The following ADAM23 variants were observed in gnomAD, a reference collection of about 807,000 sequenced individuals.
ADAM23 encodes the protein disintegrin and metalloproteinase domain-containing protein 23.
ADAM23 carries 33 observed loss-of-function variants against 120.1 expected under a neutral mutation model. That is an observed-to-expected ratio of 0.27 (90% CI 0.21 to 0.37). ADAM23 has a LOEUF of 0.37. Among genes scored for constraint, ADAM23 ranks in the 10% least tolerant of loss-of-function variants. The pLI is 1.00. For synonymous variants in ADAM23, 367 were observed against 375.2 expected (o/e 0.98, Z 0.25); for missense variants, 862 against 1,058.2 (o/e 0.81, Z 2.57).
chr2:206,532,325 C>CTT (rs755429602), intron 4 of ADAM23, among the ~76,000 whole-genome samples: 6 of 142,106 alleles, frequency 4.2e-5, no homozygotes, highest in African/African-American at 7.8e-5. Context: ...CACTTAGTTA[C>CTT]TTTTTTTTTT....
chr2:206,588,551 CAG>C (rs1698368184), intron 20 of ADAM23, among the ~76,000 whole-genome samples: 1 of 152,132 alleles, frequency 6.6e-6, no homozygotes, highest in African/African-American at 2.4e-5. Flanking sequence ...AGGAAAATAC[CAG>C]ACTTATTTTT....
chr2:206,504,144 C>A (rs1696447671), intron 3 of ADAM23, among the ~76,000 whole-genome samples: 1 of 151,906 alleles, frequency 6.6e-6, no homozygotes, highest in Non-Finnish European at 1.5e-5. Context: ...CTTTATATAT[C>A]TTTAATACAA....
intron 3 of ADAM23, among the ~76,000 whole-genome samples, chr2:206,516,034 T>C (rs974112133): frequency 6.6e-6 from 1 of 151,162 alleles, no homozygotes; most frequent in Non-Finnish European, 1.5e-5. Flanking sequence ...CATAAAGGAG[T>C]GGAAAATATA....
chr2:206,469,814 C>T (rs918930092), intron 2 of ADAM23, among the ~76,000 whole-genome samples: 2 of 152,152 alleles, frequency 1.3e-5, no homozygotes, highest in Non-Finnish European at 2.9e-5. Flanking sequence ...GCCCCTGCCT[C>T]GGGGCTTCTA....
At chr2:206,595,335 G>A (rs1292642713) in intron 23 of ADAM23, among the ~76,000 whole-genome samples, 1 of 152,198 alleles carries the variant, frequency 6.6e-6, no homozygotes, top group East Asian at 1.9e-4. Flanking sequence ...TCTCTAGTTT[G>A]CTCATTGTTA....
chr2:206,561,401 T>C (rs953447904), intron 12 of ADAM23, among the ~76,000 whole-genome samples, 189 bp downstream of exon 12: 6 of 152,228 alleles, frequency 3.9e-5, no homozygotes, highest in Non-Finnish European at 8.8e-5. Context: ...GGTGTCATAA[T>C]GACAATTTTT....
intron 3 of ADAM23, among the ~76,000 whole-genome samples, chr2:206,517,648 C>T (rs1188942289): frequency 6.6e-6 from 1 of 152,062 alleles, no homozygotes; most frequent in Non-Finnish European, 1.5e-5. Flanking sequence ...TCTGCTAGAC[C>T]ACAAGCTTCT....
intron 24 of ADAM23, among the ~76,000 whole-genome samples, chr2:206,603,273 T>G (rs1052142031): frequency 1.3e-5 from 2 of 152,156 alleles, no homozygotes; most frequent in African/African-American, 2.4e-5. Flanking sequence ...CCTATAAAAA[T>G]CCACCCACCC....
Position 206,617,857 on chromosome 2 carries a change from A to G in ADAM23, c.*230A>G. 1.3e-6 allele frequency: 1 copy of G among 798,060 alleles called. No homozygotes were observed. The highest frequency in any genetic ancestry group is 1.8e-6 in the Non-Finnish European group (1 of 571,426). The allele number at this position is 798,060 out of a possible 1,614,324, so 49.4% of individuals were successfully genotyped here. On this transcript the variant is annotated 3_prime_UTR_variant, in exon 26 of 26. Transcript: ENST00000264377. ...CAGTAAACGGGGGAGGGGGCAAAAG[A>G]CCATGCTATAAAAAGAACTGTTCCA... is the stretch of plus-strand genomic sequence containing the variant.
At chr2:206,542,029 A>T (rs1403633042) in intron 4 of ADAM23, 23 bp from the exon 5 acceptor site, 18 of 1,612,912 alleles carry the variant, frequency 1.1e-5, no homozygotes, top group Non-Finnish European at 1.5e-5. Context: ...AAATACAACC[A>T]ATCAATGAAA....
chr2:206,554,445 G>A (rs941805170), intron 9 of ADAM23, among the ~76,000 whole-genome samples: 4 of 152,124 alleles, frequency 2.6e-5, no homozygotes, highest in South Asian at 2.1e-4. Context: ...AATGTTTTGC[G>A]TACGTGTTTT....
rs190474200 is a variant in ADAM23, at chr2:206,570,718, C to T, written c.1495-22C>T. ...CTGTGATAAATTGAAACATTTTTCCCTTCTGTCCCTAATCTCTTTAGCTAT... is the reference window on the plus strand; with the variant it reads ...CTGTGATAAATTGAAACATTTTTCCTTTCTGTCCCTAATCTCTTTAGCTAT... On this transcript the variant is annotated intron_variant, in intron 15 of 25. Coordinates refer to ENST00000264377, the MANE Select transcript of ADAM23 (RefSeq NM_003812.4). 965 of 1,605,078 alleles carry T rather than the reference C, an allele frequency of 6.0e-4. 15 individuals carry two copies. The African/African-American group carries it at 0.012, about 20-fold the overall frequency.
intron 18 of ADAM23, among the ~76,000 whole-genome samples, chr2:206,585,225 C>A (rs1351655171): frequency 1.3e-5 from 2 of 152,206 alleles, no homozygotes; most frequent in African/African-American, 4.8e-5. Context: ...GTCCTGCCTC[C>A]TGTCCGCCAT....
chr2:206,455,708 C>T (rs889375400), intron 2 of ADAM23, among the ~76,000 whole-genome samples: 1 of 152,132 alleles, frequency 6.6e-6, no homozygotes, highest in Non-Finnish European at 1.5e-5. Context: ...CACAAGATAC[C>T]CTAAATCATC....
At chr2:206,588,546 A>C (rs1698367933) in intron 20 of ADAM23, among the ~76,000 whole-genome samples, 1 of 152,212 alleles carries the variant, frequency 6.6e-6, no homozygotes, top group Non-Finnish European at 1.5e-5. Flanking sequence ...ACCGCAGGAA[A>C]ATACCAGACT....
intron 2 of ADAM23, among the ~76,000 whole-genome samples, chr2:206,446,722 C>T (rs934408894): frequency 6.6e-6 from 1 of 151,966 alleles, no homozygotes; most frequent in African/African-American, 2.4e-5. Context: ...AACTTTCTTT[C>T]ACATTATTTT....
intron 2 of ADAM23, among the ~76,000 whole-genome samples, chr2:206,478,637 A>C (rs932753949): frequency 2.0e-5 from 3 of 152,196 alleles, no homozygotes; most frequent in Admixed American, 6.5e-5. Context: ...TTGCGATCAT[A>C]AATGTCACTG....
chr2:206,480,377 C>T (rs1286527537), intron 2 of ADAM23, among the ~76,000 whole-genome samples: 1 of 151,964 alleles, frequency 6.6e-6, no homozygotes, highest in Non-Finnish European at 1.5e-5. Flanking sequence ...TTGCAGCACC[C>T]ACTGTGCCTT....
chr2:206,599,994 G>A (rs978755979), intron 24 of ADAM23, among the ~76,000 whole-genome samples: 1 of 152,184 alleles, frequency 6.6e-6, no homozygotes, highest in African/African-American at 2.4e-5. Context: ...AAGGTCAGGA[G>A]ATCGAGACCA....
Sources: allele counts gnomAD v4.1 joint callset (sites outside exome capture counted in the v4.1 genomes callset), GRCh38; gene constraint gnomAD v4.1.1; transcripts MANE v1.5; gene names NCBI Gene and HGNC (gene_info 2026-07-23, HGNC 2026-07-21).